The following RBM44 variants were observed in gnomAD, a reference collection of about 807,000 sequenced individuals.
The protein encoded by RBM44 is RNA binding motif protein 44.
In RBM44, 66 loss-of-function variants were observed where a neutral mutation model predicts 105.1. That is an observed-to-expected ratio of 0.63 (90% CI 0.52 to 0.77). RBM44 has a LOEUF of 0.77. Among genes scored for constraint, RBM44 ranks in the 30% least tolerant of loss-of-function variants. The pLI is 0.00. For missense variants in RBM44, 1,122 were observed against 1,207.8 expected (o/e 0.93, Z 1.05); for synonymous variants, 365 against 417.6 (o/e 0.87, Z 1.54).
In RBM44 at chr2:237,803,836, A is replaced by C. The variant is rs181348580; in HGVS notation, c.-19+4975A>C. ...TTTCCCTCTAGGTAAAAATCTAGATAGTAGAAATATACTTGTGCCAGTACC... is the reference window on the plus strand; with the variant it reads ...TTTCCCTCTAGGTAAAAATCTAGATCGTAGAAATATACTTGTGCCAGTACC... On this transcript the variant is annotated intron_variant, in intron 1 of 15. Coordinates refer to ENST00000316997, the MANE Select transcript of RBM44 (RefSeq NM_001080504.3). The surrounding 1 kb of genome is among the most constrained non-coding windows in gnomAD (Gnocchi z 4.2). Among the ~76,000 whole-genome samples, 199 of 151,922 alleles carry C rather than the reference A, an allele frequency of 1.3e-3. No homozygotes were observed. The highest frequency in any genetic ancestry group is 2.1e-3 in the Non-Finnish European group (143 of 68,000).
intron 1 of RBM44, among the ~76,000 whole-genome samples, chr2:237,806,882 C>T (rs776261376): frequency 1.3e-5 from 2 of 151,898 alleles, no homozygotes; most frequent in South Asian, 2.1e-4. Context: ...GTGGGGGGTG[C>T]GGGGAGTTTA....
intron 8 of RBM44, 49 bp from the exon 9 acceptor site, chr2:237,823,391 A>C: frequency 1.2e-6 from 1 of 831,706 alleles, no homozygotes; most frequent in East Asian, 2.7e-5. Context: ...TAGTAAGAGC[A>C]TAATAATTAT....
chr2:237,815,266 T>C (rs972734207), intron 2 of RBM44, among the ~76,000 whole-genome samples: 5 of 152,188 alleles, frequency 3.3e-5, no homozygotes, highest in Admixed American at 2.6e-4. Context: ...CCTAAACAAC[T>C]CTGTCGTCTC....
At position 237,798,985 on chromosome 2, in the gene RBM44, C is replaced by G. The variant is rs1311455260; in HGVS notation, c.-19+124C>G. The G allele has an allele frequency of 6.6e-6, 1 of 152,178 alleles. No individual in the cohort carries two copies. The highest frequency in any genetic ancestry group is 2.4e-5 in the African/African-American group (1 of 41,424). The allele number at this position is 152,178 out of a possible 1,614,324, so 9.4% of individuals were successfully genotyped here. A position where few individuals can be genotyped will look rare whatever the true frequency, so the allele number is the denominator to read the frequency against. ...GGCCGGTCCCGGCGGCGAGGCCCGT[C>G]CCGCTGAAGCACGCGGGGACTCCGA... On this transcript the variant is annotated intron_variant, in intron 1 of 15. Coordinates refer to ENST00000316997, the MANE Select transcript of RBM44 (RefSeq NM_001080504.3). This position sits in a 1 kb window ranked among gnomAD's most constrained non-coding sequence, Gnocchi z 4.3.
At position 237,842,226 on chromosome 2, in the gene RBM44, T is replaced by C. The variant is rs2062018524; in HGVS notation, c.*410T>C. 1 of 152,120 alleles carries C rather than the reference T, an allele frequency of 6.6e-6. No homozygotes were observed. The allele number at this position is 152,120 out of a possible 1,614,324, so 9.4% of individuals were successfully genotyped here. On this transcript the variant is annotated 3_prime_UTR_variant, in exon 16 of 16. Transcript: ENST00000316997. ...ATCAATGTTTGTGAAATGATTTCCA[T>C]ACATAAAAAATGTAATTTACCTGAA...
chr2:237,822,082 G>T (rs940822103), intron 8 of RBM44, among the ~76,000 whole-genome samples: 1 of 152,066 alleles, frequency 6.6e-6, no homozygotes, highest in African/African-American at 2.4e-5. Flanking sequence ...GGTTGAAAGA[G>T]TGTAATGGTA....
intron 1 of RBM44, 99 bp from the exon 2 acceptor site, chr2:237,813,493 C>T: frequency 3.2e-6 from 2 of 618,778 alleles, no homozygotes; most frequent in South Asian, 3.0e-5. Context: ...AAAAATGTTC[C>T]TTGGAAATTT....
At chr2:237,828,068 G>A (rs2061865770) in intron 12 of RBM44, among the ~76,000 whole-genome samples, 1 of 152,088 alleles carries the variant, frequency 6.6e-6, no homozygotes, top group Admixed American at 6.6e-5. Context: ...TTACTTTTTA[G>A]TTGACACTTT....
Position 237,838,032 on chromosome 2 carries a change from C to A in RBM44, c.*22+3609C>A, listed in dbSNP as rs897927408. ...ACAGAATCTCAAGCTACAGAGAAAT[C>A]TTTTGTGAATGAAGGAGTCAATTGA... is the stretch of plus-strand genomic sequence containing the variant. On this transcript the variant is annotated intron_variant, in intron 15 of 15. Transcript: ENST00000316997. Among the ~76,000 whole-genome samples the A allele has an allele frequency of 1.3e-4, 18 of 143,946 alleles. No homozygotes were observed. The East Asian group carries it at 1.9e-3, about 15-fold the overall frequency. The allele number at this position is 143,946 out of a possible 152,430, so 94.4% of individuals were successfully genotyped here. A position where few individuals can be genotyped will look rare whatever the true frequency, so the allele number is the denominator to read the frequency against.
chr2:237,833,341 A>G (rs1252004238), intron 13 of RBM44, among the ~76,000 whole-genome samples: 4 of 152,148 alleles, frequency 2.6e-5, no homozygotes. Flanking sequence ...TTGAACTTTT[A>G]TGGGATTTAC....
intron 12 of RBM44, 75 bp downstream of exon 12, chr2:237,827,578 G>C (rs1273025320): frequency 1.2e-6 from 1 of 834,882 alleles, no homozygotes; most frequent in Non-Finnish European, 1.9e-6. Context: ...CCAGATATCA[G>C]CCACAGTGGT....
Position 237,821,102 on chromosome 2 carries a change from T to C in RBM44, c.1945T>C (p.Leu649=). 6.3e-7 allele frequency: 1 copy of C among 1,587,014 alleles called. No homozygotes were observed. Among genetic ancestry groups the C allele is most frequent in the Admixed American group, 2.0e-5 (1 of 50,004 alleles). The stretch of plus-strand genomic sequence containing the variant: ...ATCAAGTAATTCTGCTAAGAAGGAA[T>C]TGGGATCAGCACTACTGTCTCTTTT... ...NLSSNSAKKE[L]GSALLSLLGD... is the part of the protein sequence containing the mutation. The change falls in exon 6 of 16, where the codon TTG becomes CTG. Residue 649 remains leucine, a synonymous_variant. Transcript: ENST00000316997.
At chr2:237,808,584 GA>G (rs1462944274) in intron 1 of RBM44, among the ~76,000 whole-genome samples, 2 of 151,948 alleles carry the variant, frequency 1.3e-5, no homozygotes, top group East Asian at 3.9e-4. Flanking sequence ...ACTATAGAAA[GA>G]ATTTGTGAAA....
At chr2:237,820,973 C>A in intron 5 of RBM44, 98 bp from the exon 6 acceptor site, 2 of 833,650 alleles carry the variant, frequency 2.4e-6, no homozygotes, top group Non-Finnish European at 3.6e-6. Context: ...ATTGCTTGAG[C>A]CCAGGAGTTC....
rs1284983745 is a variant in RBM44 at position 237,841,993 on chromosome 2, C to T, written c.*177C>T. On this transcript the variant is annotated 3_prime_UTR_variant, in exon 16 of 16. Transcript: ENST00000316997. This position sits in a 1 kb window ranked among gnomAD's most constrained non-coding sequence, Gnocchi z 4.5. Reference sequence around the variant, plus strand: ...ATATCCCTCCTTTAAAATCTAGCAACAGTTGTCTATACAATATTAAGATCT... The same window carrying T: ...ATATCCCTCCTTTAAAATCTAGCAATAGTTGTCTATACAATATTAAGATCT... 2 of 152,004 alleles carry T rather than the reference C, an allele frequency of 1.3e-5. No individual in the cohort carries two copies. The highest frequency in any genetic ancestry group is 2.9e-5 in the Non-Finnish European group (2 of 67,932). 9.4% of individuals were successfully genotyped at this position (152,004 alleles called of 1,614,324 possible).
chr2:237,839,232 A>G (rs2061987586), intron 15 of RBM44, among the ~76,000 whole-genome samples: 2 of 152,144 alleles, frequency 1.3e-5, no homozygotes, highest in South Asian at 2.1e-4. Flanking sequence ...GGCAACTACT[A>G]AAAGAACAAT....
chr2:237,801,313 C>G (rs574056300), intron 1 of RBM44, among the ~76,000 whole-genome samples: 1 of 152,090 alleles, frequency 6.6e-6, no homozygotes, highest in Non-Finnish European at 1.5e-5. Flanking sequence ...TGGGCAACAG[C>G]GTGAGACCCT....
chr2:237,837,155 A>G (rs141935598), intron 15 of RBM44, among the ~76,000 whole-genome samples: 1 of 152,328 alleles, frequency 6.6e-6, no homozygotes, highest in East Asian at 1.9e-4. Flanking sequence ...TCAAAATACT[A>G]TTGCTCATTG....
chr2:237,809,502 T>G (rs966953735), intron 1 of RBM44, among the ~76,000 whole-genome samples: 7 of 152,212 alleles, frequency 4.6e-5, no homozygotes, highest in African/African-American at 1.7e-4. Context: ...ATTCCATGTC[T>G]GCATCTATTG....
Sources: allele counts gnomAD v4.1 joint callset (sites outside exome capture counted in the v4.1 genomes callset), GRCh38; gene constraint gnomAD v4.1.1; non-coding constraint Gnocchi (gnomAD v3.1); transcripts MANE v1.5; gene names NCBI Gene and HGNC (gene_info 2026-07-23, HGNC 2026-07-21).